FANCB: variants seen among roughly 807,000 people sequenced by gnomAD.
The protein encoded by FANCB is Fanconi anemia group B protein.
In FANCB, 5 loss-of-function variants were observed where a neutral mutation model predicts 38.9. That is an observed-to-expected ratio of 0.13 (90% CI 0.07 to 0.27). The LOEUF (loss-of-function observed/expected upper bound fraction) is 0.27. Ranked by LOEUF, FANCB falls within the 10% of genes least tolerant of loss-of-function variation. FANCB has a pLI of 1.00. For synonymous variants in FANCB, 236 were observed against 215.4 expected, an observed-to-expected ratio of 1.10 and a Z score of -0.84; for missense variants, 573 against 602.7, an observed-to-expected ratio of 0.95 and a Z score of 0.52.
chrX:14,823,863 T>G, the FANCB span, among the ~76,000 whole-genome samples: 8 of 111,310 alleles, frequency 7.2e-5, no homozygotes, highest in Admixed American at 5.7e-4. Context: ...GTTCTAGAAC[T>G]TCATATAAAT....
At chrX:14,690,829 C>T in the FANCB span, 3 of 1,208,279 alleles carry the variant, frequency 2.5e-6, no homozygotes, top group East Asian at 5.9e-5. Context: ...AGTTCCTGCG[C>T]CTCCGAAGAA....
chrX:14,691,271 CTGTGTGTGTGTGTGTGTGTGTGTGTGTG>C, the FANCB span, among the ~76,000 whole-genome samples: 2 of 85,244 alleles, frequency 2.3e-5, no homozygotes, highest in African/African-American at 4.4e-5. Flanking sequence ...TAAATATTGA[CTGTGTGTGTGTGTGTGTGTGTGTGTGTG>C]TGTGTGTGTG....
the FANCB span, among the ~76,000 whole-genome samples, chrX:14,734,319 A>G: frequency 8.9e-6 from 1 of 112,410 alleles, no homozygotes; most frequent in African/African-American, 3.2e-5. Flanking sequence ...CAATTAACTT[A>G]TATAACTTTA....
chrX:14,740,960 G>GCACACACACACACACGCA, the FANCB span, among the ~76,000 whole-genome samples: 17 of 107,910 alleles, frequency 1.6e-4, no homozygotes, highest in African/African-American at 5.7e-4. Flanking sequence ...ACAAACACAT[G>GCACACACACACACACGCA]CACACACACA....
the FANCB span, among the ~76,000 whole-genome samples, chrX:14,769,015 G>A: frequency 1.8e-5 from 2 of 111,689 alleles, no homozygotes; most frequent in South Asian, 7.5e-4. Context: ...AAGCCAACTA[G>A]ATCATGGTGG....
the FANCB span, among the ~76,000 whole-genome samples, chrX:14,830,058 C>T: frequency 9.0e-6 from 1 of 111,525 alleles, no homozygotes; most frequent in African/African-American, 3.3e-5. Flanking sequence ...GTAGGCCTCA[C>T]TTCAATATTG....
the FANCB span, among the ~76,000 whole-genome samples, chrX:14,814,470 A>G: frequency 7.1e-5 from 8 of 112,601 alleles, no homozygotes; most frequent in East Asian, 2.2e-3. Flanking sequence ...AAACAAATTT[A>G]CAAGAAAAAA....
chrX:14,864,050 G>A (rs1020128703), intron 3 of FANCB, among the ~76,000 whole-genome samples: 2 of 110,948 alleles, frequency 1.8e-5, no homozygotes, highest in African/African-American at 3.3e-5. Context: ...CAGGAGAACC[G>A]CTTGAACCTG....
At chrX:14,864,193 A>C (rs1229783680) in intron 3 of FANCB, among the ~76,000 whole-genome samples, 2 of 111,982 alleles carry the variant, frequency 1.8e-5, no homozygotes, top group Non-Finnish European at 3.8e-5. Context: ...ATTTTCCAGG[A>C]AGGCTTATCT....
the FANCB span, among the ~76,000 whole-genome samples, chrX:14,751,394 C>T: frequency 8.9e-6 from 1 of 111,882 alleles, no homozygotes; most frequent in Non-Finnish European, 1.9e-5. Context: ...GAATACCTAC[C>T]GTGTGATTCC....
rs191379403 is a variant in FANCB, at chrX:14,859,209, T to A, written c.1077A>T (p.Ile359=). ...AATAGTTTATTTTTCCAAGATCCGT[T>A]ATTTTAAATGAAGTCAGGCAGTCTG... is the stretch of plus-strand genomic sequence containing the variant. ...LNSDCLTSFK[I]TDLGKINYSS... is the part of the protein sequence containing the mutation. Residue 359 remains isoleucine (I), a synonymous_variant, in exon 4 of 10, where the codon ATA becomes ATT. Transcript: ENST00000650831. 7.6e-6 allele frequency: 9 copies of A among 1,188,393 alleles called. No individual in the cohort carries two copies. The Admixed American group carries it at 1.5e-4, about 20-fold the overall frequency.
intron 6 of FANCB, among the ~76,000 whole-genome samples, chrX:14,851,570 C>T (rs1601987773): frequency 8.9e-6 from 1 of 112,022 alleles, no homozygotes; most frequent in South Asian, 3.7e-4. Context: ...CCAGTAGCTG[C>T]GAGTTCTGAA....
At chrX:14,815,134 C>T in the FANCB span, among the ~76,000 whole-genome samples, 1 of 110,491 alleles carries the variant, frequency 9.1e-6, no homozygotes, top group African/African-American at 3.3e-5. Flanking sequence ...AACAGTTGGA[C>T]ACAGGGCAGG....
the FANCB span, among the ~76,000 whole-genome samples, chrX:14,796,049 G>A: frequency 4.5e-5 from 5 of 111,623 alleles, no homozygotes; most frequent in Non-Finnish European, 9.4e-5. Context: ...GAAGACTAAG[G>A]CCATGGTCCT....
downstream of FANCB, among the ~76,000 whole-genome samples, chrX:14,831,840 T>A (rs2092328274): frequency 9.0e-6 from 1 of 111,052 alleles, no homozygotes; most frequent in Non-Finnish European, 1.9e-5. Flanking sequence ...AGGAGACAAG[T>A]TGGGAAGCTG....
At chrX:14,787,155 A>G in the FANCB span, among the ~76,000 whole-genome samples, 779 of 111,253 alleles carry the variant, frequency 7.0e-3, 4 homozygotes, top group Non-Finnish European at 0.013. Context: ...TTCCTCATTG[A>G]TTAAAGTCTG....
At chrX:14,770,607 T>C in the FANCB span, among the ~76,000 whole-genome samples, 1 of 111,999 alleles carries the variant, frequency 8.9e-6, no homozygotes, top group Admixed American at 9.5e-5. Flanking sequence ...TCTGTGCGTT[T>C]TATTTGGGGC....
chrX:14,747,756 C>T, the FANCB span, among the ~76,000 whole-genome samples: 1 of 111,909 alleles, frequency 8.9e-6, no homozygotes, highest in African/African-American at 3.2e-5. Context: ...TGGTTTGGTA[C>T]CAAGGAAACA....
At chrX:14,840,172 T>C (rs1273193200), downstream of FANCB, among the ~76,000 whole-genome samples, 1 of 112,110 alleles carries the variant, frequency 8.9e-6, no homozygotes. Context: ...ATTTTTTTTT[T>C]AGTAATTGGC....
Sources: allele counts gnomAD v4.1 joint callset (sites outside exome capture counted in the v4.1 genomes callset), GRCh38; gene constraint gnomAD v4.1.1; transcripts MANE v1.5; gene names NCBI Gene and HGNC (gene_info 2026-07-23, HGNC 2026-07-21).